Variants in CASK observed in about 807,000 individuals in gnomAD.
CASK encodes calcium/calmodulin dependent serine protein kinase.
CASK carries 4 observed loss-of-function variants against 82.9 expected under a neutral mutation model. That is an observed-to-expected ratio of 0.05 (90% CI 0.02 to 0.11). The LOEUF (loss-of-function observed/expected upper bound fraction) is 0.11, where lower values mean the gene tolerates loss of function less well. Among genes scored for constraint, CASK ranks in the 10% least tolerant of loss-of-function variants. The pLI is 1.00. For synonymous variants in CASK, 259 were observed against 253.5 expected (o/e 1.02, Z -0.20); for missense variants, 358 against 720.9 (o/e 0.50, Z 5.76).
chrX:41,847,816 C>T (rs1042601370), intron 2 of CASK, among the ~76,000 whole-genome samples: 6 of 111,712 alleles, frequency 5.4e-5, no homozygotes, highest in Non-Finnish European at 1.1e-4. Flanking sequence ...TTAGTCTTTG[C>T]TCAAGGGTTT....
At chrX:41,706,638 T>C (rs1022829266) in intron 5 of CASK, among the ~76,000 whole-genome samples, 2 of 111,971 alleles carry the variant, frequency 1.8e-5, no homozygotes, top group Non-Finnish European at 3.8e-5. Context: ...CATGGCATAT[T>C]ATATATACAT....
At chrX:41,798,250 G>C (rs748772974) in intron 2 of CASK, among the ~76,000 whole-genome samples, 103 of 112,071 alleles carry the variant, frequency 9.2e-4, no homozygotes, top group Middle Eastern at 4.6e-3. Flanking sequence ...TTCCACTAGA[G>C]GGAACTAAAG....
chrX:41,638,567 T>C (rs970664476), intron 8 of CASK, among the ~76,000 whole-genome samples: 1 of 110,270 alleles, frequency 9.1e-6, no homozygotes, highest in Non-Finnish European at 1.9e-5. Flanking sequence ...CAAAAACAAA[T>C]TGGGTGGTCA....
chrX:41,639,379 C>A (rs2066611073), intron 8 of CASK, among the ~76,000 whole-genome samples: 1 of 107,725 alleles, frequency 9.3e-6, no homozygotes, highest in African/African-American at 3.4e-5. Flanking sequence ...GCCTTCAACC[C>A]TGAACTGTAA....
intron 3 of CASK, among the ~76,000 whole-genome samples, chrX:41,746,846 A>G (rs1174507556): frequency 9.0e-6 from 1 of 111,597 alleles, no homozygotes; most frequent in African/African-American, 3.3e-5. Flanking sequence ...TCATTTTCAA[A>G]TAATTTGTCT....
chrX:41,751,507 G>A (rs993631712), intron 3 of CASK, among the ~76,000 whole-genome samples: 11 of 109,183 alleles, frequency 1.0e-4, no homozygotes, highest in African/African-American at 3.7e-4. Context: ...AGCTGCTTCT[G>A]CCCTAGGGGA....
At chrX:41,908,200 G>A (rs982569684) in intron 1 of CASK, among the ~76,000 whole-genome samples, 7 of 111,746 alleles carry the variant, frequency 6.3e-5, no homozygotes, top group Non-Finnish European at 1.1e-4. Context: ...GTGAAACCCC[G>A]TCTCTGCTAA....
intron 2 of CASK, among the ~76,000 whole-genome samples, chrX:41,829,071 T>A (rs2070731301): frequency 8.9e-6 from 1 of 112,137 alleles, no homozygotes; most frequent in African/African-American, 3.2e-5. Flanking sequence ...AATATAAATA[T>A]TTAAATAGCC....
In CASK at chrX:41,543,015, T is replaced by C. The variant is rs1322123979; in HGVS notation, c.2040-209A>G. Among the ~76,000 whole-genome samples the C allele has an allele frequency of 5.4e-5, 6 of 112,140 alleles. No homozygotes were observed. The Admixed American group carries it at 5.7e-4, about 11-fold the overall frequency. ...AATATAGGCTTATATTAAAATGGCA[T>C]GGTATTCCTTGAACATATACTGACA... On this transcript the variant is annotated intron_variant, in intron 21 of 26. Coordinates refer to ENST00000378163, the MANE Select transcript of CASK (RefSeq NM_001367721.1).
intron 24 of CASK, among the ~76,000 whole-genome samples, chrX:41,531,590 A>C (rs1365988119): frequency 8.9e-6 from 1 of 112,327 alleles, no homozygotes; most frequent in Non-Finnish European, 1.9e-5. Flanking sequence ...AAAAATGGAA[A>C]ACTGCATATG....
intron 24 of CASK, among the ~76,000 whole-genome samples, chrX:41,533,100 C>T (rs745934326): frequency 3.6e-5 from 4 of 111,582 alleles, no homozygotes; most frequent in East Asian, 2.8e-4. Flanking sequence ...TGTGAGCCAC[C>T]GCGCCCAGCC....
intron 5 of CASK, among the ~76,000 whole-genome samples, chrX:41,719,085 T>C (rs1211777734): frequency 1.8e-5 from 2 of 111,985 alleles, no homozygotes; most frequent in East Asian, 2.8e-4. Flanking sequence ...CTATTAGCAT[T>C]TGAGGTAGTG....
chrX:41,556,304 C>T (rs781504904), intron 19 of CASK: 1 of 112,592 alleles, frequency 8.9e-6, no homozygotes, highest in South Asian at 3.6e-4. Context: ...GCAGTATTAG[C>T]AACCAAAATA....
At chrX:41,779,207 G>A (rs1457566640) in intron 3 of CASK, among the ~76,000 whole-genome samples, 2 of 111,723 alleles carry the variant, frequency 1.8e-5, no homozygotes, top group South Asian at 7.4e-4. Flanking sequence ...CTGGGAGTCT[G>A]GAATTTGGTT....
chrX:41,616,728 C>T (rs912573304), intron 11 of CASK, among the ~76,000 whole-genome samples: 2 of 110,631 alleles, frequency 1.8e-5, no homozygotes, highest in Admixed American at 1.9e-4. Flanking sequence ...CTGCTTCAGC[C>T]TTCCAAGTAG....
intron 12 of CASK, among the ~76,000 whole-genome samples, chrX:41,598,375 G>A (rs993896390): frequency 7.2e-5 from 8 of 110,619 alleles, no homozygotes; most frequent in African/African-American, 2.3e-4. Context: ...TTTTTGAGAC[G>A]GGGTCTTGCT....
intron 5 of CASK, 70 bp from the exon 6 acceptor site, chrX:41,671,600 C>T (rs1273891190): frequency 2.2e-5 from 14 of 649,641 alleles, no homozygotes; most frequent in Admixed American, 1.5e-4. Flanking sequence ...TGAAGATGAA[C>T]AATGCAGTTT....
At chrX:41,699,007 A>G (rs2067743364) in intron 5 of CASK, among the ~76,000 whole-genome samples, 1 of 110,712 alleles carries the variant, frequency 9.0e-6, no homozygotes, top group Non-Finnish European at 1.9e-5. Context: ...GCTCACTGCA[A>G]CCTCTGTCTC....
At chrX:41,752,257 TAATC>T (rs1469217310) in intron 3 of CASK, among the ~76,000 whole-genome samples, 1 of 110,510 alleles carries the variant, frequency 9.0e-6, no homozygotes, top group Non-Finnish European at 1.9e-5. Flanking sequence ...AATAGCCAAT[TAATC>T]AAATAAGAAA....
Sources: gnomAD v4.1 joint callset for allele counts (sites outside exome capture counted in the v4.1 genomes callset) on GRCh38, gnomAD v4.1.1 for gene constraint, MANE v1.5 for transcripts, NCBI Gene and HGNC (gene_info 2026-07-23, HGNC 2026-07-21) for gene names.